The following ESRRG variants were observed in gnomAD, a reference collection of about 807,000 sequenced individuals.
The protein encoded by ESRRG is estrogen related receptor gamma.
A neutral mutation model predicts 44.0 loss-of-function variants in ESRRG; 13 were observed. The observed-to-expected ratio is 0.30, with a 90% CI of 0.19 to 0.47. The LOEUF (loss-of-function observed/expected upper bound fraction) is 0.47. Ranked by LOEUF, ESRRG falls within the 20% of genes least tolerant of loss-of-function variation. The pLI is 1.00. For synonymous variants in ESRRG, 215 were observed against 214.6 expected (o/e 1.00, Z -0.02); for missense variants, 395 against 580.6 (o/e 0.68, Z 3.29).
chr1:216,516,668 C>CACACACACACACACACACAGAGAG (rs376701865), intron 6 of ESRRG, among the ~76,000 whole-genome samples: 2 of 137,168 alleles, frequency 1.5e-5, no homozygotes, highest in Admixed American at 1.5e-4. Flanking sequence ...CACACACACA[C>CACACACACACACACACACAGAGAG]AGAGAGAGAG....
chr1:216,598,057 G>C (rs1485233794), intron 3 of ESRRG, among the ~76,000 whole-genome samples: 2 of 152,036 alleles, frequency 1.3e-5, no homozygotes, highest in Non-Finnish European at 2.9e-5. Flanking sequence ...GTATATTGTG[G>C]AACATTCACT....
intron 2 of ESRRG, among the ~76,000 whole-genome samples, chr1:216,860,584 C>A (rs757697259): frequency 1.3e-5 from 2 of 151,840 alleles, no homozygotes; most frequent in Non-Finnish European, 2.9e-5. Context: ...AGCAAGAAGA[C>A]AATATATTGG....
At chr1:216,586,251 A>C (rs1302026261) in intron 3 of ESRRG, among the ~76,000 whole-genome samples, 4 of 152,152 alleles carry the variant, frequency 2.6e-5, no homozygotes, top group African/African-American at 9.7e-5. Flanking sequence ...CAGTTTCTTT[A>C]CCAAAACAAA....
chr1:216,524,291 T>C (rs896203443), intron 5 of ESRRG, among the ~76,000 whole-genome samples: 1 of 141,224 alleles, frequency 7.1e-6, no homozygotes, highest in Non-Finnish European at 1.5e-5. Context: ...AGACTATATA[T>C]ATATATACAC....
chr1:217,123,145 G>A lies in ESRRG; in HGVS notation c.-230+14522C>T, dbSNP rs11806679. ...AGCAGAAATGCTAACCAATGGAAAT[G>A]GTGCATGAATCTTTAGTGAAGCAGT... On this transcript the variant is annotated intron_variant, in intron 1 of 8. Coordinates refer to the ESRRG transcript ENST00000366940. Among the ~76,000 whole-genome samples, 394 of 152,188 alleles carry A rather than the reference G, an allele frequency of 2.6e-3. 1 individual carries two copies. Among genetic ancestry groups the A allele is most frequent in the African/African-American group, 9.1e-3 (378 of 41,520 alleles).
chr1:216,773,579 C>A (rs1178695611), intron 2 of ESRRG, among the ~76,000 whole-genome samples: 1 of 152,064 alleles, frequency 6.6e-6, no homozygotes, highest in African/African-American at 2.4e-5. Flanking sequence ...ATAAGAAGGT[C>A]TCAGGGCTTC....
chr1:216,770,290 A>C (rs2152389456), intron 2 of ESRRG, among the ~76,000 whole-genome samples: 2 of 152,212 alleles, frequency 1.3e-5, no homozygotes, highest in South Asian at 4.1e-4. Flanking sequence ...GATGAGTTTA[A>C]CTTTTTATAA....
intron 2 of ESRRG, among the ~76,000 whole-genome samples, chr1:216,904,164 T>C (rs1334783224): frequency 1.3e-5 from 2 of 152,030 alleles, no homozygotes; most frequent in Admixed American, 6.6e-5. Flanking sequence ...ATCAGAAGGC[T>C]ACAAGTTTTA....
chr1:216,612,510 T>A (rs2060809906), intron 3 of ESRRG, among the ~76,000 whole-genome samples: 1 of 152,150 alleles, frequency 6.6e-6, no homozygotes. Flanking sequence ...TGCATAACAT[T>A]CTTTACAGTT....
intron 2 of ESRRG, among the ~76,000 whole-genome samples, chr1:216,813,598 C>A (rs1014371982): frequency 6.6e-6 from 1 of 152,074 alleles, no homozygotes; most frequent in African/African-American, 2.4e-5. Flanking sequence ...CTTCGCTTGA[C>A]CAATGGTGAG....
chr1:216,885,959 G>A (rs895048129), intron 2 of ESRRG, among the ~76,000 whole-genome samples: 1 of 151,554 alleles, frequency 6.6e-6, no homozygotes. Flanking sequence ...CCTCTAGCCT[G>A]TAACCATCTT....
chr1:217,113,351 G>A (rs2092680927), intron 1 of ESRRG, among the ~76,000 whole-genome samples: 1 of 152,186 alleles, frequency 6.6e-6, no homozygotes, highest in Admixed American at 6.5e-5. Flanking sequence ...AGTAACTGCT[G>A]TGTGTCTCCC....
intron 2 of ESRRG, among the ~76,000 whole-genome samples, chr1:216,869,159 C>T (rs1229120732): frequency 6.6e-6 from 1 of 152,048 alleles, no homozygotes; most frequent in Admixed American, 6.5e-5. Flanking sequence ...TGATAGTTTT[C>T]TCTTATGTTG....
chr1:217,131,666 T>C (rs374042061), intron 1 of ESRRG, among the ~76,000 whole-genome samples: 1 of 152,224 alleles, frequency 6.6e-6, no homozygotes, highest in African/African-American at 2.4e-5. Context: ...ACGTATTCAG[T>C]GGTCAACTTC....
intron 2 of ESRRG, among the ~76,000 whole-genome samples, chr1:216,831,019 G>A (rs1050075977): frequency 6.6e-6 from 1 of 152,016 alleles, no homozygotes; most frequent in Non-Finnish European, 1.5e-5. Context: ...AAAGGGGCAA[G>A]GTGGGGAGGT....
In ESRRG at chr1:216,896,508, T is replaced by A. The variant is rs79084446; in HGVS notation, c.-14+43074A>T. Among the ~76,000 whole-genome samples the A allele has an allele frequency of 7.4e-3, 1,126 of 152,188 alleles. 19 individuals are homozygous for A. Among genetic ancestry groups the A allele is most frequent in the African/African-American group, 0.026 (1,065 of 41,528 alleles). On this transcript the variant is annotated intron_variant, in intron 2 of 7. Coordinates refer to the ESRRG transcript ENST00000359162. ...CAGATTGTTAGGGGGAGCTGCAAAC[T>A]AGAGATAGGCAATGAAAAGGTTAGA...
intron 2 of ESRRG, among the ~76,000 whole-genome samples, chr1:216,784,238 C>T (rs953639601): frequency 2.6e-5 from 4 of 151,834 alleles, no homozygotes; most frequent in African/African-American, 9.7e-5. Flanking sequence ...TTCTCATTTT[C>T]CATTTCTCTC....
At chr1:217,061,180 C>T (rs1262904713) in intron 1 of ESRRG, among the ~76,000 whole-genome samples, 1 of 151,948 alleles carries the variant, frequency 6.6e-6, no homozygotes, top group Non-Finnish European at 1.5e-5. Flanking sequence ...AAAAATGAAG[C>T]TTTTTAAATT....
intron 2 of ESRRG, among the ~76,000 whole-genome samples, chr1:216,808,549 C>T (rs1432074834): frequency 6.6e-6 from 1 of 152,134 alleles, no homozygotes; most frequent in Non-Finnish European, 1.5e-5. Flanking sequence ...ACTTCAGCCT[C>T]CCAAGCAGCT....
Sources: allele counts gnomAD v4.1 joint callset (sites outside exome capture counted in the v4.1 genomes callset), GRCh38; gene constraint gnomAD v4.1.1; transcripts MANE v1.5; gene names NCBI Gene and HGNC (gene_info 2026-07-23, HGNC 2026-07-21).